The following MGAT4C variants were observed in gnomAD, a reference collection of about 807,000 sequenced individuals.
MGAT4C encodes alpha-1,3-mannosyl-glycoprotein 4-beta-N-acetylglucosaminyltransferase C.
MGAT4C carries 19 observed loss-of-function variants against 40.1 expected under a neutral mutation model. The observed-to-expected ratio is 0.47, with a 90% CI of 0.33 to 0.70. The LOEUF (loss-of-function observed/expected upper bound fraction) is 0.70. Among genes scored for constraint, MGAT4C ranks in the 30% least tolerant of loss-of-function variants. The pLI is 0.02. For synonymous variants in MGAT4C, 181 were observed against 187.1 expected, an observed-to-expected ratio of 0.97 and a Z score of 0.27; for missense variants, 491 against 563.2, an observed-to-expected ratio of 0.87 and a Z score of 1.30.
At chr12:86,469,408 C>T (rs1023610973) in intron 2 of MGAT4C, among the ~76,000 whole-genome samples, 2 of 152,154 alleles carry the variant, frequency 1.3e-5, no homozygotes, top group Non-Finnish European at 2.9e-5. Flanking sequence ...TGCCAGCACT[C>T]TCTCTTGTCT....
intron 2 of MGAT4C, among the ~76,000 whole-genome samples, chr12:86,493,251 G>T (rs1958173524): frequency 6.6e-6 from 1 of 151,356 alleles, no homozygotes; most frequent in Non-Finnish European, 1.5e-5. Flanking sequence ...ATTCCTCAGG[G>T]ATCTAGAACT....
chr12:86,269,419 A>G (rs1952886340), intron 4 of MGAT4C, among the ~76,000 whole-genome samples: 1 of 151,756 alleles, frequency 6.6e-6, no homozygotes, highest in African/African-American at 2.4e-5. Flanking sequence ...TTCTATTAAC[A>G]TTTCTTGACA....
intron 3 of MGAT4C, among the ~76,000 whole-genome samples, chr12:86,412,633 G>A (rs562104899): frequency 6.6e-6 from 1 of 152,318 alleles, no homozygotes; most frequent in African/African-American, 2.4e-5. Flanking sequence ...AGGTGGAAGG[G>A]ACTTGCCTTG....
At chr12:86,613,515 G>A (rs1962352031) in intron 2 of MGAT4C, among the ~76,000 whole-genome samples, 1 of 152,114 alleles carries the variant, frequency 6.6e-6, no homozygotes, top group South Asian at 2.1e-4. Flanking sequence ...CTACAAGCAA[G>A]AGGAAGTCAT....
At chr12:86,124,510 G>T (rs1391522054) in intron 1 of MGAT4C, among the ~76,000 whole-genome samples, 3 of 152,252 alleles carry the variant, frequency 2.0e-5, no homozygotes, top group Non-Finnish European at 4.4e-5. Context: ...TTGTTGGTTG[G>T]TTTGGTAAGT....
chr12:86,426,886 G>T (rs1290416484), intron 3 of MGAT4C, among the ~76,000 whole-genome samples: 5 of 152,146 alleles, frequency 3.3e-5, no homozygotes, highest in Admixed American at 3.3e-4. Flanking sequence ...GGCAGAGCTT[G>T]CAGTGAGCTG....
At chr12:86,834,637 C>CA (rs398020454) in intron 1 of MGAT4C, among the ~76,000 whole-genome samples, 1 of 149,820 alleles carries the variant, frequency 6.7e-6, no homozygotes, top group Admixed American at 6.7e-5. Context: ...CACACACACA[C>CA]CCCTTTACAG....
intron 3 of MGAT4C, among the ~76,000 whole-genome samples, chr12:86,336,781 G>A (rs907092469): frequency 1.3e-5 from 2 of 152,070 alleles, no homozygotes; most frequent in Non-Finnish European, 2.9e-5. Context: ...GAAATGGGAG[G>A]GGTGTCAGGA....
intron 1 of MGAT4C, among the ~76,000 whole-genome samples, chr12:86,834,981 C>G (rs1953007210): frequency 6.6e-6 from 1 of 151,916 alleles, no homozygotes; most frequent in South Asian, 2.1e-4. Context: ...CTTTTGTACA[C>G]AGATAAATTC....
chr12:86,600,642 C>T (rs908646844), intron 2 of MGAT4C, among the ~76,000 whole-genome samples: 1 of 152,170 alleles, frequency 6.6e-6, no homozygotes, highest in Non-Finnish European at 1.5e-5. Flanking sequence ...AGCAGTGGCC[C>T]GGTTGGAGCA....
intron 2 of MGAT4C, among the ~76,000 whole-genome samples, chr12:86,644,045 A>T (rs1331047957): frequency 6.6e-6 from 1 of 151,670 alleles, no homozygotes; most frequent in Non-Finnish European, 1.5e-5. Flanking sequence ...ATGAATTTTG[A>T]CTAGAGAAAG....
rs189538734 is a variant in MGAT4C, at chr12:86,698,680, G to A, written c.-229+28529C>T. On this transcript the variant is annotated intron_variant, in intron 2 of 7. Transcript: ENST00000548651. Reference sequence around the variant, plus strand: ...CATAAGTATGTACAGCTGAGCTGTGGGGGGGGTGGGTATTCTGTTGATTTA... The same window carrying A: ...CATAAGTATGTACAGCTGAGCTGTGAGGGGGGTGGGTATTCTGTTGATTTA... Among the ~76,000 whole-genome samples, 41 of 151,510 alleles carry A rather than the reference G, an allele frequency of 2.7e-4. No individual in the cohort carries two copies. The East Asian group carries it at 7.6e-3, about 28-fold the overall frequency.
At chr12:86,558,840 T>C (rs1379235561) in intron 2 of MGAT4C, among the ~76,000 whole-genome samples, 1 of 151,832 alleles carries the variant, frequency 6.6e-6, no homozygotes, top group African/African-American at 2.4e-5. Context: ...AGAAAACAAT[T>C]AACAAAATAA....
intron 2 of MGAT4C, among the ~76,000 whole-genome samples, chr12:86,450,325 G>A (rs1957404582): frequency 6.6e-6 from 1 of 152,012 alleles, no homozygotes. Flanking sequence ...TTAGTGAAGT[G>A]CTTAGTTTTT....
At chr12:86,372,884 T>C (rs185188088) in intron 3 of MGAT4C, among the ~76,000 whole-genome samples, 2 of 151,838 alleles carry the variant, frequency 1.3e-5, no homozygotes, top group East Asian at 3.9e-4. Flanking sequence ...TCAACAAGTA[T>C]ATAGTTTAAA....
At chr12:86,659,263 G>A (rs1370451150) in intron 2 of MGAT4C, among the ~76,000 whole-genome samples, 2 of 151,826 alleles carry the variant, frequency 1.3e-5, no homozygotes, top group African/African-American at 2.4e-5. Flanking sequence ...AATCCCCAGT[G>A]TCTAGTTCAG....
At chr12:86,445,569 T>C (rs1957319324) in intron 2 of MGAT4C, among the ~76,000 whole-genome samples, 2 of 152,132 alleles carry the variant, frequency 1.3e-5, no homozygotes, top group African/African-American at 4.8e-5. Context: ...TATATGCATA[T>C]AGCATCAAAA....
At chr12:86,189,324 G>A (rs1371862282) in intron 1 of MGAT4C, among the ~76,000 whole-genome samples, 2 of 151,760 alleles carry the variant, frequency 1.3e-5, no homozygotes. Flanking sequence ...TAAATTATTT[G>A]TTAAGGTAAC....
intron 1 of MGAT4C, among the ~76,000 whole-genome samples, chr12:86,227,162 T>G (rs1951123369): frequency 6.6e-6 from 1 of 151,974 alleles, no homozygotes. Flanking sequence ...TCTGTTTTCT[T>G]TACTTGGCAT....
Sources: gnomAD v4.1 joint callset for allele counts (sites outside exome capture counted in the v4.1 genomes callset) on GRCh38, gnomAD v4.1.1 for gene constraint, MANE v1.5 for transcripts, NCBI Gene and HGNC (gene_info 2026-07-23, HGNC 2026-07-21) for gene names.